ANKRD28: variants seen among roughly 807,000 people sequenced by gnomAD.
The protein encoded by ANKRD28 is serine/threonine-protein phosphatase 6 regulatory ankyrin repeat subunit A.
Under a neutral mutation model 126.5 loss-of-function variants are expected in ANKRD28, and 44 were observed. The ratio of observed to expected loss-of-function variants is 0.35; its 90% CI spans 0.27 to 0.45. The LOEUF is 0.45. Among genes scored for constraint, ANKRD28 ranks in the 20% least tolerant of loss-of-function variants. The probability of loss-of-function intolerance (pLI) is 1.00; values close to 1 mark genes in which losing one functional copy is unlikely to be tolerated. For synonymous variants in ANKRD28, 442 were observed against 468.5 expected (o/e 0.94, Z 0.73); for missense variants, 1,110 against 1,316.6 (o/e 0.84, Z 2.43).
intron 2 of ANKRD28, among the ~76,000 whole-genome samples, chr3:15,775,020 G>T (rs1196827645): frequency 6.6e-6 from 1 of 152,166 alleles, no homozygotes; most frequent in Non-Finnish European, 1.5e-5. Flanking sequence ...GGGACTACAG[G>T]TGCCCACCAC....
rs1204877919 is a variant in ANKRD28, at chr3:15,846,086, C to T, written c.27+13291G>A. Reference sequence around the variant, plus strand: ...ACATTTCAAAACCAACCATGCCTTTCCAATAGTCTCCCAAAATCTTAACTC... The same window carrying T: ...ACATTTCAAAACCAACCATGCCTTTTCAATAGTCTCCCAAAATCTTAACTC... On this transcript the variant is annotated intron_variant, in intron 1 of 27. Coordinates refer to the ANKRD28 transcript ENST00000399451. The surrounding 1 kb of genome is among the most constrained non-coding windows in gnomAD (Gnocchi z 5.4). Among the ~76,000 whole-genome samples the T allele has an allele frequency of 6.6e-6, 1 of 152,180 alleles. No individual in the cohort carries two copies. The highest frequency in any genetic ancestry group is 1.5e-5 in the Non-Finnish European group (1 of 68,030).
chr3:15,806,134 T>A (rs1351360990), intron 1 of ANKRD28, among the ~76,000 whole-genome samples: 1 of 152,228 alleles, frequency 6.6e-6, no homozygotes, highest in East Asian at 1.9e-4. Context: ...ATGTTTGTAA[T>A]GTGTCTCAGG....
intron 22 of ANKRD28, 28 bp from the exon 23 acceptor site, chr3:15,679,412 T>C (rs1371797157): frequency 6.2e-7 from 1 of 1,613,334 alleles, no homozygotes; most frequent in Admixed American, 1.7e-5. Context: ...GTGATCATTC[T>C]CACAGCAATG....
At chr3:15,766,863 GA>G in intron 2 of ANKRD28, among the ~76,000 whole-genome samples, 1 of 152,180 alleles carries the variant, frequency 6.6e-6, no homozygotes, top group Non-Finnish European at 1.5e-5. Flanking sequence ...ATATATATAG[GA>G]AAATTTTACT....
intron 27 of ANKRD28, among the ~76,000 whole-genome samples, chr3:15,672,146 AT>A (rs869087310): frequency 0.079 from 10,791 of 136,396 alleles, 1,028 homozygotes; most frequent in African/African-American, 0.24. Flanking sequence ...TAAAAAAAGG[AT>A]TTTTTTTTTT....
chr3:15,677,470 G>C lies in ANKRD28; in HGVS notation c.2790+10C>G. 3.8e-6 allele frequency: 6 copies of C among 1,592,512 alleles called. No homozygotes were observed. The highest frequency in any genetic ancestry group is 5.2e-6 in the Non-Finnish European group (6 of 1,161,132). On this transcript the variant is annotated intron_variant, in intron 25 of 27. Coordinates refer to ENST00000683139, the MANE Select transcript of ANKRD28 (RefSeq NM_001349278.2). ...AACAATGGAAACATATTCTTAAGATGTATACATACCTTGCTACAAGCCAAA... is the reference window on the plus strand; with the variant it reads ...AACAATGGAAACATATTCTTAAGATCTATACATACCTTGCTACAAGCCAAA...
intron 1 of ANKRD28, among the ~76,000 whole-genome samples, chr3:15,821,608 A>C (rs2060943196): frequency 6.6e-6 from 1 of 152,180 alleles, no homozygotes; most frequent in Non-Finnish European, 1.5e-5. Flanking sequence ...ACATTTTCAT[A>C]ATTCTAGAAT....
At chr3:15,829,940 A>T (rs1038087472) in intron 1 of ANKRD28, among the ~76,000 whole-genome samples, 5 of 129,964 alleles carry the variant, frequency 3.8e-5, no homozygotes, top group African/African-American at 1.1e-4. Context: ...GTATTCTATT[A>T]AAAAAAAAAA....
At chr3:15,761,189 G>A (rs559840628) in intron 3 of ANKRD28, among the ~76,000 whole-genome samples, 3 of 152,032 alleles carry the variant, frequency 2.0e-5, no homozygotes, top group East Asian at 3.8e-4. Flanking sequence ...AATCTTACAC[G>A]ACTTTTATAC....
At chr3:15,859,297 C>T in intron 1 of ANKRD28, 1 of 1,500,678 alleles carries the variant, frequency 6.7e-7, no homozygotes, top group Non-Finnish European at 8.9e-7. Context: ...AGCGGGCGTC[C>T]CAGCGGCCCA....
rs1173083295 is a variant in ANKRD28, at chr3:15,708,052, G to A, written c.1419C>T (p.His473=). Residue 473 remains histidine (H), a synonymous_variant, in exon 14 of 28, where the codon CAC becomes CAT. Coordinates refer to ENST00000683139, the MANE Select transcript of ANKRD28 (RefSeq NM_001349278.2). ...GGTAATTGCAGTTGGCAGCAGCGTA[G>A]TGCAGTGGAGATCTTTTGGGTCCAA... ...KKDKFGRSPL[H]YAAANCNYQC... is the part of the protein sequence containing the mutation. 1 of 1,604,918 alleles carries A rather than the reference G, an allele frequency of 6.2e-7. No homozygotes were observed. The highest frequency in any genetic ancestry group is 8.5e-7 in the Non-Finnish European group (1 of 1,175,628).
rs1401147009 is a variant in ANKRD28, at chr3:15,833,545, T to A, written c.27+25832A>T. Reference sequence around the variant, plus strand: ...TATATAAAATATATACATTATTTTTTATATATATAATGTGTGTGTGTATAT... The same window carrying A: ...TATATAAAATATATACATTATTTTTAATATATATAATGTGTGTGTGTATAT... On this transcript the variant is annotated intron_variant, in intron 1 of 27. Coordinates refer to the ANKRD28 transcript ENST00000399451. The surrounding 1 kb of genome is among the most constrained non-coding windows in gnomAD (Gnocchi z 4.4). Among the ~76,000 whole-genome samples the A allele has an allele frequency of 6.7e-6, 1 of 149,006 alleles. No homozygotes were observed. The highest frequency in any genetic ancestry group is 1.5e-5 in the Non-Finnish European group (1 of 67,398).
intron 4 of ANKRD28, among the ~76,000 whole-genome samples, chr3:15,749,236 G>A (rs61243067): frequency 1.5e-4 from 23 of 149,014 alleles, no homozygotes; most frequent in Non-Finnish European, 3.1e-4. Context: ...TCAGCCTCCC[G>A]AGTAGCTGGG....
chr3:15,705,697 T>G (rs1000804457), intron 14 of ANKRD28, among the ~76,000 whole-genome samples: 2 of 152,228 alleles, frequency 1.3e-5, no homozygotes, highest in Non-Finnish European at 2.9e-5. Flanking sequence ...CACATTACTA[T>G]TGCCTTTAAG....
chr3:15,800,363 T>C (rs145707327), upstream of ANKRD28, among the ~76,000 whole-genome samples: 1 of 152,126 alleles, frequency 6.6e-6, no homozygotes, highest in African/African-American at 2.4e-5. Context: ...TTTAGTAACC[T>C]CTCTGTGCTC....
intron 4 of ANKRD28, among the ~76,000 whole-genome samples, chr3:15,737,550 A>G (rs2075110656): frequency 1.3e-5 from 2 of 152,278 alleles, no homozygotes; most frequent in Non-Finnish European, 2.9e-5. Flanking sequence ...CCGTAACTTC[A>G]AATTCCTTGG....
chr3:15,766,422 A>C, intron 2 of ANKRD28, 110 bp from the exon 3 acceptor site: 1 of 735,032 alleles, frequency 1.4e-6, no homozygotes, highest in South Asian at 1.9e-5. Context: ...ATTATTAACT[A>C]TCAACTTATT....
In ANKRD28 at chr3:15,830,215, A is replaced by G. The variant is rs2061159276; in HGVS notation, c.27+29162T>C. Among the ~76,000 whole-genome samples, 1 of 152,152 alleles carries G rather than the reference A, an allele frequency of 6.6e-6. No individual in the cohort carries two copies. The highest frequency in any genetic ancestry group is 2.1e-4 in the South Asian group (1 of 4,826). ...CATTAATGCGAATGTCGAAGTAAAA[A>G]ACGCATATAACATTTTATTATTATG... On this transcript the variant is annotated intron_variant, in intron 1 of 27. Coordinates refer to the ANKRD28 transcript ENST00000399451. This position sits in a 1 kb window ranked among gnomAD's most constrained non-coding sequence, Gnocchi z 4.5.
intron 4 of ANKRD28, among the ~76,000 whole-genome samples, chr3:15,745,981 G>GA (rs1320531328): frequency 6.6e-6 from 1 of 152,162 alleles, no homozygotes; most frequent in African/African-American, 2.4e-5. Context: ...TTGTGAAAGG[G>GA]AATGAGTTCT....
Sources: allele counts gnomAD v4.1 joint callset (sites outside exome capture counted in the v4.1 genomes callset), GRCh38; gene constraint gnomAD v4.1.1; non-coding constraint Gnocchi (gnomAD v3.1); transcripts MANE v1.5; gene names NCBI Gene and HGNC (gene_info 2026-07-23, HGNC 2026-07-21).